SENP5: variants seen among roughly 807,000 people sequenced by gnomAD.
SENP5 encodes sentrin-specific protease 5.
SENP5 carries 21 observed loss-of-function variants against 74.2 expected under a neutral mutation model. The observed-to-expected ratio is 0.28, with a 90% CI of 0.20 to 0.41. The LOEUF (loss-of-function observed/expected upper bound fraction) is 0.41. Ranked by LOEUF, SENP5 falls within the 10% of genes least tolerant of loss-of-function variation. The probability of loss-of-function intolerance (pLI) is 1.00; values close to 1 mark genes in which losing one functional copy is unlikely to be tolerated. For missense variants in SENP5, 717 were observed against 889.1 expected (o/e 0.81, Z 2.46); for synonymous variants, 311 against 312.7 (o/e 0.99, Z 0.06).
chr3:196,898,289 C>T (rs1470974794), intron 2 of SENP5, among the ~76,000 whole-genome samples: 1 of 151,666 alleles, frequency 6.6e-6, no homozygotes, highest in Non-Finnish European at 1.5e-5. Context: ...ATGTTACTTA[C>T]ATTTACCTGA....
intron 6 of SENP5, among the ~76,000 whole-genome samples, chr3:196,922,484 C>T (rs897027527): frequency 1.3e-5 from 2 of 152,158 alleles, no homozygotes; most frequent in African/African-American, 4.8e-5. Context: ...GGGTCTCACT[C>T]CGTCGCCCAG....
intron 2 of SENP5, among the ~76,000 whole-genome samples, chr3:196,887,211 T>TA (rs111699479): frequency 0.24 from 36,270 of 151,908 alleles, 4,583 homozygotes; most frequent in African/African-American, 0.34. Flanking sequence ...GATGGAGTCT[T>TA]ACTCTGTCGC....
intron 7 of SENP5, among the ~76,000 whole-genome samples, chr3:196,927,470 GA>G (rs951876406): frequency 1.6e-4 from 25 of 152,228 alleles, no homozygotes; most frequent in African/African-American, 6.0e-4. Context: ...TGAAGAGTCT[GA>G]AATAAAGTCC....
chr3:196,888,375 G>GA (rs1162701142), intron 2 of SENP5, among the ~76,000 whole-genome samples: 1 of 152,040 alleles, frequency 6.6e-6, no homozygotes, highest in African/African-American at 2.4e-5. Context: ...CTGAGGTCAG[G>GA]AGTTCAAGAC....
intron 7 of SENP5, among the ~76,000 whole-genome samples, chr3:196,925,556 A>G (rs1715781440): frequency 6.6e-6 from 1 of 152,242 alleles, no homozygotes; most frequent in African/African-American, 2.4e-5. Context: ...GTGTTGGGAA[A>G]ACTGTTTCAA....
intron 5 of SENP5, 110 bp from the exon 6 acceptor site, chr3:196,903,423 C>T: frequency 3.3e-6 from 2 of 604,526 alleles, no homozygotes; most frequent in Admixed American, 7.3e-5. Context: ...GAAATTTTTC[C>T]TTCCTTTTTG....
At chr3:196,871,549 T>A (rs1036495513) in intron 1 of SENP5, among the ~76,000 whole-genome samples, 2 of 152,102 alleles carry the variant, frequency 1.3e-5, no homozygotes, top group Non-Finnish European at 1.5e-5. Context: ...AAGAATTTTT[T>A]AACTTAATTT....
intron 1 of SENP5, among the ~76,000 whole-genome samples, chr3:196,880,665 G>A (rs1413274679): frequency 8.3e-6 from 1 of 121,190 alleles, no homozygotes; most frequent in East Asian, 2.8e-4. Context: ...TTTTGAGACG[G>A]AGTTTTGCTT....
At chr3:196,889,946 A>T (rs1450805059) in intron 2 of SENP5, among the ~76,000 whole-genome samples, 1 of 152,176 alleles carries the variant, frequency 6.6e-6, no homozygotes, top group Non-Finnish European at 1.5e-5. Flanking sequence ...GTCAGCAAAG[A>T]ACAAATCTGT....
intron 6 of SENP5, among the ~76,000 whole-genome samples, chr3:196,906,747 T>A (rs993406850): frequency 1.3e-5 from 2 of 152,120 alleles, no homozygotes; most frequent in African/African-American, 4.8e-5. Flanking sequence ...ATCAGGGCCT[T>A]GAGGTTTGTA....
intron 1 of SENP5, among the ~76,000 whole-genome samples, chr3:196,870,261 A>G (rs1713154213): frequency 6.6e-6 from 1 of 152,154 alleles, no homozygotes; most frequent in East Asian, 1.9e-4. Context: ...TTTCTTACCT[A>G]TTATGGTGAA....
intron 2 of SENP5, among the ~76,000 whole-genome samples, chr3:196,898,506 G>A (rs1577818273): frequency 6.6e-6 from 1 of 151,710 alleles, no homozygotes; most frequent in African/African-American, 2.4e-5. Flanking sequence ...CAAGCAGGAG[G>A]ATGGCTTGAG....
chr3:196,907,468 A>AAGAT (rs1256810247), intron 6 of SENP5, among the ~76,000 whole-genome samples: 2 of 151,840 alleles, frequency 1.3e-5, no homozygotes, highest in African/African-American at 4.8e-5. Flanking sequence ...AAAAAAAAAA[A>AAGAT]AGATAATGGA....
intron 2 of SENP5, among the ~76,000 whole-genome samples, chr3:196,890,012 C>A (rs1025471003): frequency 1.3e-5 from 2 of 152,206 alleles, no homozygotes; most frequent in Non-Finnish European, 2.9e-5. Context: ...ACACGTACAC[C>A]TTGTAACACT....
At chr3:196,929,445 C>T in intron 8 of SENP5, 188 bp from the exon 9 acceptor site, 2 of 514,586 alleles carry the variant, frequency 3.9e-6, no homozygotes, top group South Asian at 2.8e-5. Context: ...TTGGGGTTGC[C>T]ACCTGATAGC....
At chr3:196,886,778 T>C (rs1713995270) in intron 2 of SENP5, 84 bp downstream of exon 2, 1 of 1,133,368 alleles carries the variant, frequency 8.8e-7, no homozygotes, top group Non-Finnish European at 1.2e-6. Flanking sequence ...TCCTATTTTT[T>C]TCTCCCACTC....
At chr3:196,897,880 T>C (rs1163601309) in intron 2 of SENP5, among the ~76,000 whole-genome samples, 1 of 152,060 alleles carries the variant, frequency 6.6e-6, no homozygotes, top group Non-Finnish European at 1.5e-5. Context: ...TTAGAAATAA[T>C]GTCCTGGGTG....
At chr3:196,928,400 C>G (rs534529030) in intron 8 of SENP5, among the ~76,000 whole-genome samples, 2 of 152,176 alleles carry the variant, frequency 1.3e-5, no homozygotes, top group Non-Finnish European at 2.9e-5. Context: ...TCATTCCTGT[C>G]GTAAATACCA....
Position 196,886,275 on chromosome 3 carries a change from A to C in SENP5, c.1094A>C (p.Lys365Thr). 6.2e-7 allele frequency: 1 copy of C among 1,614,152 alleles called. No homozygotes were observed. The highest frequency in any genetic ancestry group is 8.5e-7 in the Non-Finnish European group (1 of 1,180,028). Reference sequence around the variant, plus strand: ...GACCAGTCATCCTGTTCTTCTCCTAAGTGGGAGTGTACAGAGCTGATTCAT... The same window carrying C: ...GACCAGTCATCCTGTTCTTCTCCTACGTGGGAGTGTACAGAGCTGATTCAT... ...AWDQSSCSSP[K>T]WECTELIHDI... The change falls in exon 2 of 10, where the codon AAG becomes ACG. Residue 365 changes from lysine to threonine, a missense_variant. Lys to Thr is a moderately conservative substitution (Grantham distance 78). Coordinates refer to ENST00000323460, the MANE Select transcript of SENP5 (RefSeq NM_152699.5).
Sources: allele counts gnomAD v4.1 joint callset (sites outside exome capture counted in the v4.1 genomes callset), GRCh38; gene constraint gnomAD v4.1.1; transcripts MANE v1.5; gene names NCBI Gene and HGNC (gene_info 2026-07-23, HGNC 2026-07-21).